Variants in RGS6 observed in about 807,000 individuals in gnomAD.
The protein encoded by RGS6 is regulator of G protein signaling 6, also known as regulator of G-protein signaling 6.
A neutral mutation model predicts 78.5 loss-of-function variants in RGS6; 30 were observed. The observed-to-expected ratio is 0.38, with a 90% CI of 0.29 to 0.52. RGS6 has a LOEUF of 0.52. Among genes scored for constraint, RGS6 ranks in the 20% least tolerant of loss-of-function variants. The pLI is 0.85. For missense variants in RGS6, 495 were observed against 609.7 expected (o/e 0.81, Z 1.98); for synonymous variants, 206 against 206.0 (o/e 1.00, Z 0.00).
In RGS6 at chr14:72,418,609, A is replaced by C. The variant is rs547471676; in HGVS notation, c.185-35919A>C. 3.3e-5 allele frequency among the ~76,000 whole-genome samples: 5 copies of C among 152,348 alleles called. No individual in the cohort carries two copies. In the South Asian group the frequency reaches 1.0e-3, roughly 32 times the overall value. On this transcript the variant is annotated intron_variant, in intron 3 of 17. Transcript: ENST00000553525. The stretch of plus-strand genomic sequence containing the variant: ...ACAGGCTGAGCAGGCCCAATGATGG[A>C]TAGAGAGGCACATCCACTGCTGAGC...
chr14:71,920,458 G>T, the RGS6 span, among the ~76,000 whole-genome samples: 9 of 152,224 alleles, frequency 5.9e-5, no homozygotes, highest in African/African-American at 1.7e-4. Context: ...AGGGCTGATG[G>T]TTGAGTGTAT....
intron 1 of RGS6, among the ~76,000 whole-genome samples, chr14:71,938,258 A>C (rs1027105187): frequency 6.6e-5 from 10 of 152,290 alleles, no homozygotes; most frequent in African/African-American, 2.4e-4. Context: ...TTTTTCAATC[A>C]TGCTTCTTCC....
chr14:72,337,529 G>A (rs2076259284), intron 2 of RGS6, among the ~76,000 whole-genome samples: 1 of 152,046 alleles, frequency 6.6e-6, no homozygotes, highest in Non-Finnish European at 1.5e-5. Context: ...AGGGTAGACA[G>A]CAACATCCCC....
chr14:71,971,924 T>C, intron 2 of RGS6, among the ~76,000 whole-genome samples: 1 of 150,254 alleles, frequency 6.7e-6, no homozygotes, highest in Middle Eastern at 3.4e-3. Context: ...TTTTTTTTTT[T>C]TTTTTTTTTT....
chr14:71,880,458 CAG>C, the RGS6 span, among the ~76,000 whole-genome samples: 1 of 152,148 alleles, frequency 6.6e-6, no homozygotes, highest in African/African-American at 2.4e-5. Flanking sequence ...CCTAGGAAGA[CAG>C]AGTGGTTTTG....
intron 2 of RGS6, among the ~76,000 whole-genome samples, chr14:72,342,238 G>A (rs138863470): frequency 6.6e-6 from 1 of 152,060 alleles, no homozygotes; most frequent in African/African-American, 2.4e-5. Flanking sequence ...TTTCATGCTT[G>A]TGATACTTAA....
At chr14:72,305,809 G>A (rs572926936) in intron 2 of RGS6, among the ~76,000 whole-genome samples, 1 of 152,312 alleles carries the variant, frequency 6.6e-6, no homozygotes, top group Non-Finnish European at 1.5e-5. Flanking sequence ...CTCACTTTAA[G>A]TTAAAAGCTA....
At position 71,963,708 on chromosome 14, in the gene RGS6, A is replaced by G. The variant is rs148674196; in HGVS notation, c.-20-1064A>G. On this transcript the variant is annotated intron_variant, in intron 1 of 17. Coordinates refer to ENST00000553525, the MANE Select transcript of RGS6 (RefSeq NM_001204424.2). ...GTGTGTCAGTACTTTATTTCTTTTT[A>G]TTGCTCAATGATATCCCATTGTATG... Among the ~76,000 whole-genome samples, 510 of 152,164 alleles carry G rather than the reference A, an allele frequency of 3.4e-3. 4 individuals carry two copies. The highest frequency in any genetic ancestry group is 0.011 in the African/African-American group (467 of 41,502).
chr14:71,975,934 A>G (rs1182604448), intron 2 of RGS6, among the ~76,000 whole-genome samples: 1 of 151,978 alleles, frequency 6.6e-6, no homozygotes, highest in East Asian at 1.9e-4. Flanking sequence ...CAACATGGAT[A>G]TTTTCTACCG....
At chr14:72,264,423 A>G (rs899322271) in intron 2 of RGS6, among the ~76,000 whole-genome samples, 2 of 152,244 alleles carry the variant, frequency 1.3e-5, no homozygotes, top group Non-Finnish European at 2.9e-5. Context: ...GGGGGCAAAG[A>G]ATTAGAAAGC....
chr14:71,878,964 G>A, the RGS6 span, among the ~76,000 whole-genome samples: 1 of 152,140 alleles, frequency 6.6e-6, no homozygotes, highest in African/African-American at 2.4e-5. Context: ...ATGTCATTGA[G>A]TCAGACACAC....
At chr14:71,890,981 T>G in the RGS6 span, among the ~76,000 whole-genome samples, 546 of 152,006 alleles carry the variant, frequency 3.6e-3, 24 homozygotes, top group East Asian at 0.093. Flanking sequence ...GATTCTAGAG[T>G]GAAGGGGTGA....
chr14:72,582,956 A>T, the RGS6 span, among the ~76,000 whole-genome samples: 1 of 152,018 alleles, frequency 6.6e-6, no homozygotes, highest in Non-Finnish European at 1.5e-5. Flanking sequence ...AAAAAAAAAA[A>T]AAAATTGCCC....
chr14:72,548,189 A>C (rs1292809485), intron 17 of RGS6, among the ~76,000 whole-genome samples: 1 of 152,192 alleles, frequency 6.6e-6, no homozygotes, highest in Non-Finnish European at 1.5e-5. Context: ...GGATGAAGAG[A>C]CAAACATTCC....
chr14:71,988,077 A>G (rs1473431397), intron 2 of RGS6, among the ~76,000 whole-genome samples: 2 of 152,188 alleles, frequency 1.3e-5, no homozygotes, highest in African/African-American at 4.8e-5. Flanking sequence ...CAAAAGGCAC[A>G]CAAGTGATAG....
chr14:72,439,049 G>T lies in RGS6; in HGVS notation c.185-15479G>T, dbSNP rs114601900. On this transcript the variant is annotated intron_variant, in intron 3 of 17. Transcript: ENST00000553525. The stretch of plus-strand genomic sequence containing the variant: ...ACGACCATCTCCTTCTTGTTCCTGA[G>T]TTCTTTATTCTCAATGAATGAAGTT... Among the ~76,000 whole-genome samples the T allele has an allele frequency of 4.8e-3, 735 of 152,298 alleles. 7 individuals carry two copies. Among genetic ancestry groups the T allele is most frequent in the African/African-American group, 0.017 (703 of 41,560 alleles).
intron 17 of RGS6, among the ~76,000 whole-genome samples, chr14:72,544,603 C>T (rs959671033): frequency 6.6e-6 from 1 of 152,152 alleles, no homozygotes; most frequent in African/African-American, 2.4e-5. Flanking sequence ...CAGGAAGGGC[C>T]GGAAGCTGCA....
intron 3 of RGS6, among the ~76,000 whole-genome samples, chr14:72,387,351 C>T (rs2088467545): frequency 6.6e-6 from 1 of 152,078 alleles, no homozygotes; most frequent in Admixed American, 6.6e-5. Flanking sequence ...AGATGGAGAC[C>T]ATCCTGGCTA....
chr14:71,896,860 G>A, the RGS6 span, among the ~76,000 whole-genome samples: 2 of 152,192 alleles, frequency 1.3e-5, no homozygotes, highest in African/African-American at 2.4e-5. Flanking sequence ...TATTTTATGA[G>A]TTACCATTGG....
Sources: gnomAD v4.1 joint callset for allele counts (sites outside exome capture counted in the v4.1 genomes callset) on GRCh38, gnomAD v4.1.1 for gene constraint, MANE v1.5 for transcripts, NCBI Gene and HGNC (gene_info 2026-07-23, HGNC 2026-07-21) for gene names.